Variants in RASSF5 observed in about 807,000 individuals in gnomAD.
RASSF5 encodes the protein ras association domain-containing protein 5.
In RASSF5, 25 loss-of-function variants were observed where a neutral mutation model predicts 40.5. The ratio of observed to expected loss-of-function variants is 0.62; its 90% CI spans 0.45 to 0.86. The LOEUF (loss-of-function observed/expected upper bound fraction) is 0.86, where lower values mean the gene tolerates loss of function less well. Ranked by LOEUF, RASSF5 falls within the 40% of genes least tolerant of loss-of-function variation. The pLI, the probability that RASSF5 is intolerant of heterozygous loss-of-function variation, is 0.00. For synonymous variants in RASSF5, 246 were observed against 252.4 expected (o/e 0.97, Z 0.24); for missense variants, 521 against 572.8 (o/e 0.91, Z 0.92).
At chr1:206,534,436 A>G (rs563302438) in intron 1 of RASSF5, among the ~76,000 whole-genome samples, 167 of 152,288 alleles carry the variant, frequency 1.1e-3, no homozygotes, top group African/African-American at 3.8e-3. Flanking sequence ...GAGAAACTAC[A>G]GCTAGTTTCT....
intron 2 of RASSF5, chr1:206,544,948 C>T (rs916354712): frequency 6.6e-5 from 10 of 151,896 alleles, no homozygotes; most frequent in African/African-American, 2.2e-4. Flanking sequence ...GCCCAACAGC[C>T]ACGTGTTGAA....
In RASSF5 at chr1:206,573,923, C is replaced by G. The variant is rs116773612; in HGVS notation, c.580-9346C>G. On this transcript the variant is annotated intron_variant, in intron 2 of 5. Coordinates refer to ENST00000579436, the MANE Select transcript of RASSF5 (RefSeq NM_182663.4). Reference sequence around the variant, plus strand: ...CAGAAGACCAAGGGCATGGCCAGCACAGGCCACCTGTGGCCCAGCGTGCAA... The same window carrying G: ...CAGAAGACCAAGGGCATGGCCAGCAGAGGCCACCTGTGGCCCAGCGTGCAA... Among the ~76,000 whole-genome samples the G allele has an allele frequency of 9.4e-3, 1,427 of 152,350 alleles. 27 individuals carry two copies. Among genetic ancestry groups the G allele is most frequent in the African/African-American group, 0.032 (1,336 of 41,578 alleles).
intron 1 of RASSF5, among the ~76,000 whole-genome samples, chr1:206,514,369 G>A (rs925021111): frequency 6.6e-6 from 1 of 152,204 alleles, no homozygotes; most frequent in African/African-American, 2.4e-5. Context: ...CAGAGGGATC[G>A]GGGGGAATGC....
In RASSF5 at chr1:206,587,368, G is replaced by A. The variant is rs1431950309; in HGVS notation, c.*390G>A. On this transcript the variant is annotated 3_prime_UTR_variant, in exon 6 of 6. Coordinates refer to ENST00000579436, the MANE Select transcript of RASSF5 (RefSeq NM_182663.4). The stretch of plus-strand genomic sequence containing the variant: ...CTTTCTCTGGCATTGATTCCTCTTT[G>A]AGTTCTCTTACTTGCCACGTACAGG... 6.3e-6 allele frequency: 2 copies of A among 315,184 alleles called. No individual in the cohort carries two copies. The highest frequency in any genetic ancestry group is 8.9e-5 in the East Asian group (1 of 11,216). 19.5% of individuals were successfully genotyped at this position (315,184 alleles called of 1,614,324 possible).
At chr1:206,581,158 G>A (rs1293320951) in intron 2 of RASSF5, 2 of 152,208 alleles carry the variant, frequency 1.3e-5, no homozygotes, top group Non-Finnish European at 2.9e-5. Flanking sequence ...CCTCAGTTTT[G>A]TTATCTGTGA....
chr1:206,536,583 G>A (rs1553398719), intron 1 of RASSF5, among the ~76,000 whole-genome samples: 1 of 152,150 alleles, frequency 6.6e-6, no homozygotes, highest in Non-Finnish European at 1.5e-5. Context: ...CCAAAAGTGG[G>A]GAGAAAAGGA....
chr1:206,539,059 G>T (rs890055200), intron 2 of RASSF5, among the ~76,000 whole-genome samples: 4 of 152,188 alleles, frequency 2.6e-5, no homozygotes, highest in Admixed American at 2.6e-4. Flanking sequence ...AATTGTTTCT[G>T]CTGGGAGAAA....
intron 2 of RASSF5, among the ~76,000 whole-genome samples, chr1:206,574,979 C>T (rs887610976): frequency 6.6e-5 from 10 of 151,438 alleles, no homozygotes; most frequent in African/African-American, 2.4e-4. Context: ...TCCGCCTTAG[C>T]CTCCCGAGTA....
At chr1:206,578,273 CTT>C (rs1553405583) in intron 2 of RASSF5, among the ~76,000 whole-genome samples, 1 of 146,206 alleles carries the variant, frequency 6.8e-6, no homozygotes, top group East Asian at 2.1e-4. Flanking sequence ...TAAGTAGATG[CTT>C]ACTTAAGTGC....
chr1:206,567,882 A>G (rs1668329102), intron 2 of RASSF5, among the ~76,000 whole-genome samples: 1 of 152,156 alleles, frequency 6.6e-6, no homozygotes, highest in African/African-American at 2.4e-5. Context: ...AGGTAGGTAC[A>G]TTATTGTTGC....
intron 1 of RASSF5, among the ~76,000 whole-genome samples, chr1:206,523,860 T>G (rs1667005824): frequency 9.1e-6 from 1 of 109,880 alleles, no homozygotes; most frequent in African/African-American, 3.8e-5. Context: ...TACAATATAT[T>G]TTATATATTA....
At chr1:206,550,384 G>A (rs74960573) in intron 2 of RASSF5, among the ~76,000 whole-genome samples, 1 of 152,288 alleles carries the variant, frequency 6.6e-6, no homozygotes, top group Non-Finnish European at 1.5e-5. Context: ...ATGCCTTGAG[G>A]GCAGGGATCC....
intron 2 of RASSF5, among the ~76,000 whole-genome samples, chr1:206,561,286 T>C (rs1553402565): frequency 6.6e-6 from 1 of 152,204 alleles, no homozygotes; most frequent in African/African-American, 2.4e-5. Context: ...CTTGTCAAGT[T>C]CTCTTCTTCT....
Position 206,507,981 on chromosome 1 carries a change from G to T in RASSF5, c.379G>T (p.Glu127Ter), listed in dbSNP as rs1553394098. The change falls in exon 1 of 6, where the codon GAG becomes TAG. Residue 127 changes from glutamate (E) to a stop codon, truncating the protein, a stop_gained. Transcript: ENST00000579436. LOFTEE classifies it high-confidence loss of function. ...AERGEGHCFAELVLPGGPGWC... is the reference protein window; with the variant it reads ...AERGEGHCFA Reference sequence around the variant, plus strand: ...GCGAGGCGAGGGGCACTGCTTCGCCGAGTTGGTGCTGCCGGGCGGCCCCGG... The same window carrying T: ...GCGAGGCGAGGGGCACTGCTTCGCCTAGTTGGTGCTGCCGGGCGGCCCCGG... The T allele has an allele frequency of 6.5e-7, 1 of 1,534,282 alleles. No homozygotes were observed. The highest frequency in any genetic ancestry group is 8.7e-7 in the Non-Finnish European group (1 of 1,147,174).
chr1:206,580,392 C>T (rs1278655198), intron 2 of RASSF5, among the ~76,000 whole-genome samples: 1 of 152,178 alleles, frequency 6.6e-6, no homozygotes, highest in African/African-American at 2.4e-5. Flanking sequence ...AAAGCTATTA[C>T]CTCCTGAGGA....
intron 1 of RASSF5, among the ~76,000 whole-genome samples, chr1:206,533,008 C>G (rs1667281554): frequency 6.6e-6 from 1 of 152,054 alleles, no homozygotes; most frequent in Non-Finnish European, 1.5e-5. Context: ...TGGGTTGGGG[C>G]AAAAACTAAC....
chr1:206,530,762 C>T (rs1382704855), intron 1 of RASSF5, among the ~76,000 whole-genome samples: 1 of 152,224 alleles, frequency 6.6e-6, no homozygotes, highest in Non-Finnish European at 1.5e-5. Context: ...AGCAAGTACA[C>T]CCAGCCCCTC....
At chr1:206,534,780 C>T (rs1278235611) in intron 1 of RASSF5, among the ~76,000 whole-genome samples, 8 of 152,214 alleles carry the variant, frequency 5.3e-5, no homozygotes, top group East Asian at 1.9e-4. Flanking sequence ...TCCTCACCCT[C>T]GGGCTAGCAC....
intron 5 of RASSF5, chr1:206,586,592 G>C (rs1159424729): frequency 9.1e-6 from 4 of 440,884 alleles, no homozygotes; most frequent in African/African-American, 2.0e-5. Flanking sequence ...ATAAAAACAT[G>C]GTTCATAGAC....
Sources: gnomAD v4.1 joint callset for allele counts (sites outside exome capture counted in the v4.1 genomes callset) on GRCh38, gnomAD v4.1.1 for gene constraint, MANE v1.5 for transcripts, NCBI Gene and HGNC (gene_info 2026-07-23, HGNC 2026-07-21) for gene names.